STARD8: variants seen among roughly 807,000 people sequenced by gnomAD.
STARD8 encodes stAR-related lipid transfer protein 8.
A neutral mutation model predicts 69.4 loss-of-function variants in STARD8; 25 were observed. That is an observed-to-expected ratio of 0.36 (90% CI 0.26 to 0.50). The LOEUF (loss-of-function observed/expected upper bound fraction) is 0.50, where lower values mean the gene tolerates loss of function less well. Among genes scored for constraint, STARD8 ranks in the 20% least tolerant of loss-of-function variants. STARD8 has a pLI of 0.96. For missense variants in STARD8, 921 were observed against 932.5 expected, an observed-to-expected ratio of 0.99 and a Z score of 0.16; for synonymous variants, 389 against 374.6, an observed-to-expected ratio of 1.04 and a Z score of -0.45.
rs1407214735 is a variant in STARD8, at chrX:68,720,248, T to C, written c.1890-16T>C. On this transcript the variant is annotated splice_polypyrimidine_tract_variant and intron_variant, in intron 7 of 14. Transcript: ENST00000374599. ...TGTGTTCCCCCTATCTGATCACTTG[T>C]CATTCTCCCAAACAGGTCAATGCCC... The C allele has an allele frequency of 1.7e-6, 2 of 1,178,389 alleles. No homozygotes were observed. The highest frequency in any genetic ancestry group is 2.3e-6 in the Non-Finnish European group (2 of 877,050).
intron 2 of STARD8, 90 bp downstream of exon 2, chrX:68,665,622 C>T: frequency 3.0e-6 from 3 of 988,371 alleles, no homozygotes; most frequent in Non-Finnish European, 4.2e-6. Flanking sequence ...GGTCCCTGGG[C>T]AGCAGAGCCA....
At chrX:68,663,131 A>G (rs1403731760) in intron 1 of STARD8, among the ~76,000 whole-genome samples, 1 of 112,141 alleles carries the variant, frequency 8.9e-6, no homozygotes, top group Non-Finnish European at 1.9e-5. Flanking sequence ...TATGTTCTAC[A>G]ACAAGGAAAC....
chrX:68,690,537 C>T lies in STARD8; in HGVS notation c.80-22377C>T, dbSNP rs142092492. Among the ~76,000 whole-genome samples the T allele has an allele frequency of 9.3e-3, 1,031 of 111,140 alleles. 14 individuals carry two copies. Among genetic ancestry groups the T allele is most frequent in the African/African-American group, 0.032 (965 of 30,384 alleles). On this transcript the variant is annotated intron_variant, in intron 2 of 14. Coordinates refer to ENST00000374599, the MANE Select transcript of STARD8 (RefSeq NM_001142503.3). ...TATATGGAACTGCTCTTTGCCACAG[C>T]GTAGGAGAAAAGGGCTGATAGGTCC... is the stretch of plus-strand genomic sequence containing the variant.
rs1423953081 is a variant in STARD8, at chrX:68,723,723, T to A, written c.2897T>A (p.Leu966His). Residue 966 changes from leucine to histidine, a missense_variant, in exon 13 of 15, where the codon CTC becomes CAC. Transcript: ENST00000374599. Reference protein sequence around the residue: ...VLHRVLRERALWDEDLLRAQV... With the variant: ...VLHRVLRERAHWDEDLLRAQV... ...CATCGTGTTCTCCGGGAGCGGGCCCTCTGGGATGAGGATCTGCTGCGGGCC... is the reference window on the plus strand; with the variant it reads ...CATCGTGTTCTCCGGGAGCGGGCCCACTGGGATGAGGATCTGCTGCGGGCC... The A allele has an allele frequency of 2.5e-6, 3 of 1,189,622 alleles. No homozygotes were observed. The highest frequency in any genetic ancestry group is 3.4e-6 in the Non-Finnish European group (3 of 884,687).
chrX:68,647,997 C>T (rs1478625131), intron 1 of STARD8, 70 bp downstream of exon 1: 3 of 1,128,432 alleles, frequency 2.7e-6, no homozygotes, highest in African/African-American at 1.8e-5. Context: ...GACCACTGCG[C>T]ACCAGCTGGG....
intron 1 of STARD8, among the ~76,000 whole-genome samples, chrX:68,661,047 A>AG (rs781325104): frequency 9.0e-6 from 1 of 110,803 alleles, no homozygotes; most frequent in Non-Finnish European, 1.9e-5. Context: ...GCTAGGAGTG[A>AG]GGGGTGGGGA....
chrX:68,653,295 C>CA (rs2079581141), intron 1 of STARD8, among the ~76,000 whole-genome samples: 1 of 52,352 alleles, frequency 1.9e-5, no homozygotes. Flanking sequence ...ACACCACACA[C>CA]CACACACACA....
chrX:68,684,624 CG>C (rs1252367133), intron 2 of STARD8, among the ~76,000 whole-genome samples: 16 of 112,680 alleles, frequency 1.4e-4, no homozygotes, highest in Non-Finnish European at 2.4e-4. Context: ...CAGGAGTCAA[CG>C]GGGTGGCAGC....
In STARD8 at chrX:68,718,081, C is replaced by T. The variant is rs149053296; in HGVS notation, c.1167C>T (p.Asp389=). 407 of 1,209,680 alleles carry T rather than the reference C, an allele frequency of 3.4e-4. No homozygotes were observed. In the African/African-American group the frequency reaches 6.0e-3, roughly 18 times the overall value. Residue 389 remains aspartate (D), a synonymous_variant, in exon 6 of 15, where the codon GAC becomes GAT. Transcript: ENST00000374599. ...EESGGSYAHL[D]DILQHVWGLQ... ...GTGGGGGCAGCTATGCTCACCTAGA[C>T]GACATCCTCCAGCACGTGTGGGGGC...
intron 1 of STARD8, among the ~76,000 whole-genome samples, chrX:68,658,335 G>A (rs1035350673): frequency 2.0e-4 from 23 of 112,272 alleles, no homozygotes; most frequent in Non-Finnish European, 1.9e-5. Flanking sequence ...CTATTAAGTG[G>A]TGAATTGGGG....
Position 68,659,609 on chromosome X carries a change from G to T in STARD8, c.46-5890G>T, listed in dbSNP as rs184079745. 1.4e-4 allele frequency among the ~76,000 whole-genome samples: 16 copies of T among 111,756 alleles called. No homozygotes were observed. In the East Asian group the frequency reaches 4.5e-3, roughly 32 times the overall value. ...TCCCGGAAAGACTCTGCAGTTCTGG[G>T]CAGGAAGGAGGGTCCCTGTTGACTG... On this transcript the variant is annotated intron_variant, in intron 1 of 14. Transcript: ENST00000374599.
chrX:68,652,417 G>T (rs1301891993), intron 1 of STARD8, among the ~76,000 whole-genome samples: 1 of 111,473 alleles, frequency 9.0e-6, no homozygotes, highest in African/African-American at 3.3e-5. Flanking sequence ...AGAAGCCAGG[G>T]ATGGTGGGAA....
rs775110900 is a variant in STARD8 at position 68,721,010 on chromosome X, C to T, written c.2136C>T (p.Tyr712=). 1.6e-5 allele frequency: 19 copies of T among 1,210,184 alleles called. No individual in the cohort carries two copies. Among genetic ancestry groups the T allele is most frequent in the African/African-American group, 7.0e-5 (4 of 57,209 alleles). The part of the protein sequence containing the change: ...MNETSPDNVC[Y]EGQSAYDVAD... ...AGACCTCGCCTGACAATGTCTGCTA[C>T]GAGGGCCAGTCAGCCTACGACGTGG... Residue 712 remains tyrosine, a synonymous_variant, in exon 9 of 15, where the codon TAC becomes TAT. Transcript: ENST00000374599.
At chrX:68,714,481 T>C (rs1447870609) in intron 3 of STARD8, among the ~76,000 whole-genome samples, 1 of 112,102 alleles carries the variant, frequency 8.9e-6, no homozygotes, top group African/African-American at 3.2e-5. Flanking sequence ...AGCTCTCTGC[T>C]GACCACCTCT....
chrX:68,650,451 G>A (rs1251688079), intron 1 of STARD8, among the ~76,000 whole-genome samples: 2 of 83,761 alleles, frequency 2.4e-5, no homozygotes, highest in East Asian at 7.9e-4. Context: ...AGGAGGAGGA[G>A]GAGGAAGAGG....
chrX:68,723,142 G>A (rs2080166269), intron 12 of STARD8, among the ~76,000 whole-genome samples: 1 of 112,674 alleles, frequency 8.9e-6, no homozygotes, highest in Admixed American at 9.3e-5. Flanking sequence ...TTTCTTGGAC[G>A]TGGATTCTGA....
At chrX:68,698,256 A>G (rs1366015496) in intron 2 of STARD8, among the ~76,000 whole-genome samples, 2 of 111,172 alleles carry the variant, frequency 1.8e-5, no homozygotes. Context: ...GGGGATTTGG[A>G]TGGGCAGTGG....
rs769368433 is a variant in STARD8 at position 68,723,745 on chromosome X, G to T, written c.2919G>T (p.Arg973=). 23 of 1,183,153 alleles carry T rather than the reference G, an allele frequency of 1.9e-5. No individual in the cohort carries two copies. The Middle Eastern group carries it at 1.9e-3, about 98-fold the overall frequency. Residue 973 remains arginine (R), a synonymous_variant, in exon 13 of 15, where the codon CGG becomes CGT. Coordinates refer to ENST00000374599, the MANE Select transcript of STARD8 (RefSeq NM_001142503.3). ...CCCTCTGGGATGAGGATCTGCTGCGGGCCCAGGTGCTGGAAGCCCTGATGC... is the reference window on the plus strand; with the variant it reads ...CCCTCTGGGATGAGGATCTGCTGCGTGCCCAGGTGCTGGAAGCCCTGATGC... The part of the protein sequence containing the change: ...ERALWDEDLL[R]AQVLEALMPG...
intron 2 of STARD8, among the ~76,000 whole-genome samples, chrX:68,692,187 G>A (rs2079881403): frequency 8.9e-6 from 1 of 111,994 alleles, no homozygotes; most frequent in African/African-American, 3.2e-5. Context: ...TTGCTTCTGG[G>A]AGTAACTTCT....
Sources: gnomAD v4.1 joint callset for allele counts (sites outside exome capture counted in the v4.1 genomes callset) on GRCh38, gnomAD v4.1.1 for gene constraint, MANE v1.5 for transcripts, NCBI Gene and HGNC (gene_info 2026-07-23, HGNC 2026-07-21) for gene names.